Variants in C12orf50 observed in about 807,000 individuals in gnomAD.
C12orf50 encodes zinc finger CCCH-type containing 11D, also known as uncharacterized protein C12orf50.
A neutral mutation model predicts 61.6 loss-of-function variants in C12orf50; 35 were observed. The observed-to-expected ratio is 0.57, with a 90% CI of 0.43 to 0.75. C12orf50 has a LOEUF of 0.75. Ranked by LOEUF, C12orf50 falls within the 30% of genes least tolerant of loss-of-function variation. The pLI, the probability that C12orf50 is intolerant of heterozygous loss-of-function variation, is 0.00. For missense variants in C12orf50, 475 were observed against 488.5 expected, an observed-to-expected ratio of 0.97 and a Z score of 0.26; for synonymous variants, 178 against 161.5, an observed-to-expected ratio of 1.10 and a Z score of -0.77.
chr12:88,000,713 C>T (rs548788709), intron 3 of C12orf50, among the ~76,000 whole-genome samples: 2 of 151,736 alleles, frequency 1.3e-5, no homozygotes, highest in South Asian at 2.1e-4. Flanking sequence ...TTTCTTTCAA[C>T]AATCTTTTGT....
Position 87,992,414 on chromosome 12 carries a change from A to G in C12orf50, c.592+2219T>C, listed in dbSNP as rs76285914. Reference sequence around the variant, plus strand: ...GTGTATCAACTGTGTGTATATATATACTATATACATAGAGAGAGAAATGCC... The same window carrying G: ...GTGTATCAACTGTGTGTATATATATGCTATATACATAGAGAGAGAAATGCC... On this transcript the variant is annotated intron_variant, in intron 7 of 12. Transcript: ENST00000298699. 1.8e-3 allele frequency among the ~76,000 whole-genome samples: 279 copies of G among 152,176 alleles called. 1 individual carries two copies. Among genetic ancestry groups the G allele is most frequent in the African/African-American group, 6.5e-3 (269 of 41,520 alleles).
intron 3 of C12orf50, among the ~76,000 whole-genome samples, chr12:88,017,060 T>C (rs1393309316): frequency 6.6e-6 from 1 of 152,188 alleles, no homozygotes; most frequent in Non-Finnish European, 1.5e-5. Flanking sequence ...AACATGCTAA[T>C]ATGCACTAGG....
chr12:87,986,194 AC>A, intron 10 of C12orf50, 117 bp downstream of exon 10: 2 of 1,213,546 alleles, frequency 1.6e-6, no homozygotes, highest in Non-Finnish European at 2.3e-6. Context: ...AGTTGAGTTG[AC>A]CCCTAAAGTA....
At chr12:88,008,112 A>G (rs1420156311) in intron 3 of C12orf50, among the ~76,000 whole-genome samples, 3 of 151,826 alleles carry the variant, frequency 2.0e-5, no homozygotes, top group African/African-American at 7.3e-5. Context: ...GGTTTGTTAT[A>G]TAGGTAAACT....
At chr12:88,009,228 C>CT (rs2136459756) in intron 3 of C12orf50, among the ~76,000 whole-genome samples, 1 of 152,160 alleles carries the variant, frequency 6.6e-6, no homozygotes, top group South Asian at 2.1e-4. Flanking sequence ...TAATGTTAGG[C>CT]TGTTTTCCAA....
At chr12:87,989,542 A>T (rs2031020333) in intron 7 of C12orf50, among the ~76,000 whole-genome samples, 171 bp from the exon 8 acceptor site, 1 of 152,122 alleles carries the variant, frequency 6.6e-6, no homozygotes, top group Admixed American at 6.6e-5. Flanking sequence ...ATACATGAGT[A>T]TTAATATATA....
intron 3 of C12orf50, among the ~76,000 whole-genome samples, chr12:88,022,396 A>T (rs1245699453): frequency 6.6e-6 from 1 of 152,204 alleles, no homozygotes; most frequent in Admixed American, 6.5e-5. Context: ...AGCCTACATC[A>T]GACTGAATAA....
At chr12:88,029,057 C>A (rs1398065968) in intron 1 of C12orf50, 8 of 1,261,756 alleles carry the variant, frequency 6.3e-6, no homozygotes, top group Non-Finnish European at 8.2e-6. Context: ...GTCAATTGTA[C>A]AATATTTACC....
At chr12:88,010,555 G>A (rs1378980250) in intron 3 of C12orf50, among the ~76,000 whole-genome samples, 1 of 150,372 alleles carries the variant, frequency 6.7e-6, no homozygotes, top group Non-Finnish European at 1.5e-5. Flanking sequence ...CATTTATAAT[G>A]AGAAAATTTT....
chr12:88,000,135 T>C (rs544686513), intron 3 of C12orf50, among the ~76,000 whole-genome samples: 1 of 151,654 alleles, frequency 6.6e-6, no homozygotes, highest in Non-Finnish European at 1.5e-5. Context: ...GTGGATTTCC[T>C]TTTTAAAGTG....
At chr12:88,029,179 T>A in intron 1 of C12orf50, 161 bp downstream of exon 1, 1,172 of 592,436 alleles carry the variant, frequency 2.0e-3, no homozygotes, top group Non-Finnish European at 3.0e-3. Flanking sequence ...ATATATGAAT[T>A]TCAGGAATGC....
intron 7 of C12orf50, among the ~76,000 whole-genome samples, chr12:87,993,141 T>C (rs1294404133): frequency 6.6e-6 from 1 of 152,150 alleles, no homozygotes; most frequent in Non-Finnish European, 1.5e-5. Context: ...ACTCTAACAA[T>C]ATTATTAATA....
At chr12:88,013,447 T>A (rs1245370070) in intron 3 of C12orf50, among the ~76,000 whole-genome samples, 1 of 152,218 alleles carries the variant, frequency 6.6e-6, no homozygotes, top group African/African-American at 2.4e-5. Context: ...TTACACATTG[T>A]TGATTCTATC....
At chr12:88,009,681 G>T (rs1351010587) in intron 3 of C12orf50, among the ~76,000 whole-genome samples, 1 of 152,048 alleles carries the variant, frequency 6.6e-6, no homozygotes, top group Non-Finnish European at 1.5e-5. Flanking sequence ...CTCAATAGTG[G>T]TAAAACAGAA....
Position 87,983,212 on chromosome 12 carries a change from C to A in C12orf50, c.1127-17G>T, listed in dbSNP as rs2030609430. On this transcript the variant is annotated splice_polypyrimidine_tract_variant and intron_variant, in intron 11 of 12. Coordinates refer to ENST00000298699, the MANE Select transcript of C12orf50 (RefSeq NM_152589.3). ...TATATTTGTCTGAGGGAAAAAAATC[C>A]AGAATTAAATATTTTATAACTTTAA... 6 of 1,505,734 alleles carry A rather than the reference C, an allele frequency of 4.0e-6. No individual in the cohort carries two copies. The South Asian group carries it at 5.9e-5, about 15-fold the overall frequency. The allele number at this position is 1,505,734 out of a possible 1,614,324, so 93.3% of individuals were successfully genotyped here.
intron 3 of C12orf50, among the ~76,000 whole-genome samples, chr12:88,003,103 G>T: frequency 6.6e-6 from 1 of 151,524 alleles, no homozygotes; most frequent in South Asian, 2.1e-4. Context: ...GATCAAGTAG[G>T]TATTTATAGT....
chr12:87,992,430 G>A (rs2031169932), intron 7 of C12orf50, among the ~76,000 whole-genome samples: 1 of 152,058 alleles, frequency 6.6e-6, no homozygotes, highest in Non-Finnish European at 1.5e-5. Context: ...TACATAGAGA[G>A]AGAAATGCCC....
intron 3 of C12orf50, among the ~76,000 whole-genome samples, chr12:88,020,328 C>T (rs2032468612): frequency 1.3e-5 from 2 of 152,074 alleles, no homozygotes; most frequent in Non-Finnish European, 2.9e-5. Flanking sequence ...CCCATAGGCT[C>T]AAAATAAAGA....
chr12:88,000,213 T>C (rs2031594870), intron 3 of C12orf50, among the ~76,000 whole-genome samples: 1 of 152,132 alleles, frequency 6.6e-6, no homozygotes, highest in South Asian at 2.1e-4. Flanking sequence ...TATGATGTGA[T>C]GCAGTTGTGC....
Sources: gnomAD v4.1 joint callset for allele counts (sites outside exome capture counted in the v4.1 genomes callset) on GRCh38, gnomAD v4.1.1 for gene constraint, MANE v1.5 for transcripts, NCBI Gene and HGNC (gene_info 2026-07-23, HGNC 2026-07-21) for gene names.